SYDE2: variants seen among roughly 807,000 people sequenced by gnomAD.
The protein encoded by SYDE2 is rho GTPase-activating protein SYDE2.
In SYDE2, 76 loss-of-function variants were observed where a neutral mutation model predicts 91.5. The observed-to-expected ratio is 0.83, with a 90% CI of 0.69 to 1.01. SYDE2 has a LOEUF of 1.01. SYDE2 is among the 50% of genes least tolerant of loss of function. The pLI is 0.00. For missense variants in SYDE2, 1,364 were observed against 1,367.7 expected (o/e 1.00, Z 0.04); for synonymous variants, 513 against 506.4 (o/e 1.01, Z -0.18).
In SYDE2 at chr1:85,190,583, A is replaced by G; in HGVS notation, c.915T>C (p.Asn305=). The G allele has an allele frequency of 6.2e-7, 1 of 1,613,866 alleles. No individual in the cohort carries two copies. The highest frequency in any genetic ancestry group is 1.6e-4 in the Middle Eastern group (1 of 6,062). The change falls in exon 2 of 7, where the codon AAT becomes AAC. Residue 305 remains asparagine (N), a synonymous_variant. Coordinates refer to ENST00000341460, the MANE Select transcript of SYDE2 (RefSeq NM_032184.2). Reference sequence around the variant, plus strand: ...AATGACTTCTATCTTGGCATTTCTTATTTTCTTCTTCCAGATTAAGAGGCC... The same window carrying G: ...AATGACTTCTATCTTGGCATTTCTTGTTTTCTTCTTCCAGATTAAGAGGCC... ...TLRPLNLEEE[N]KKCQDRSHLS...
At position 85,182,249 on chromosome 1, in the gene SYDE2, C is replaced by T. The variant is rs1557751176; in HGVS notation, c.2393G>A (p.Trp798Ter). ...ATCTAGTCCATGAAGAGAATTCTCCCACTGTTCCATAAGAGTCACTTTCAC... is the reference window on the plus strand; with the variant it reads ...ATCTAGTCCATGAAGAGAATTCTCCTACTGTTCCATAAGAGTCACTTTCAC... Reference protein sequence around the residue: ...IYVKVTLMEQWENSLHGLDIN... With the variant: ...IYVKVTLMEQ The change falls in exon 3 of 7, where the codon TGG becomes TAG. Residue 798 changes from tryptophan to a stop codon, truncating the protein, a stop_gained. Transcript: ENST00000341460. LOFTEE classifies it high-confidence loss of function. 1 of 1,610,684 alleles carries T rather than the reference C, an allele frequency of 6.2e-7. No individual in the cohort carries two copies. Among genetic ancestry groups the T allele is most frequent in the East Asian group, 2.2e-5 (1 of 44,826 alleles).
downstream of SYDE2, among the ~76,000 whole-genome samples, chr1:85,154,890 G>T (rs910883673): frequency 6.6e-6 from 1 of 151,328 alleles, no homozygotes; most frequent in Non-Finnish European, 1.5e-5. Context: ...AAAAATAAAG[G>T]CCTTGTCAAA....
chr1:85,170,202 G>A (rs370443730), intron 4 of SYDE2, among the ~76,000 whole-genome samples: 2 of 147,884 alleles, frequency 1.4e-5, no homozygotes, highest in East Asian at 4.0e-4. Flanking sequence ...CTAGGCTCAA[G>A]CAATCCTCCC....
intron 1 of SYDE2, among the ~76,000 whole-genome samples, chr1:85,194,199 C>T (rs989486245): frequency 5.9e-5 from 9 of 151,428 alleles, no homozygotes; most frequent in African/African-American, 2.2e-4. Flanking sequence ...AATGGATCCA[C>T]ATGAATGTAA....
In SYDE2 at chr1:85,200,949, GC is replaced by G; in HGVS notation, c.47del (p.Gly16AlafsTer151). ...PDSGARRGGR[G>X]LADHSFPAGA... is the part of the protein sequence containing the mutation. ...CCGCGGGGAAGCTGTGATCCGCCAA[GC>G]CCCTGCCGCCCCGCCGCGCGCCCGA... On this transcript the variant is annotated frameshift_variant, in exon 1 of 7. Transcript: ENST00000341460. LOFTEE classifies it high-confidence loss of function. 1 of 1,293,448 alleles carries G rather than the reference GC, an allele frequency of 7.7e-7. No homozygotes were observed. Among genetic ancestry groups the G allele is most frequent in the East Asian group, 3.1e-5 (1 of 32,466 alleles). 80.1% of individuals were successfully genotyped at this position (1,293,448 alleles called of 1,614,324 possible).
Position 85,174,335 on chromosome 1 carries a change from T to C in SYDE2, c.2671+3811A>G, listed in dbSNP as rs1436207322. On this transcript the variant is annotated intron_variant, in intron 4 of 6. Transcript: ENST00000341460. ...TTATTAATTAACTTGACTTTATTGA[T>C]AGTTACAGCACAATCTGTCCAAAAC... 5.3e-5 allele frequency among the ~76,000 whole-genome samples: 8 copies of C among 152,198 alleles called. No homozygotes were observed. In the East Asian group the frequency reaches 1.5e-3, roughly 29 times the overall value.
chr1:85,188,533 T>C (rs12144280), intron 2 of SYDE2, among the ~76,000 whole-genome samples: 4,997 of 152,258 alleles, frequency 0.033, 163 homozygotes, highest in Non-Finnish European at 0.044. Flanking sequence ...TGTAAGTAGT[T>C]TATTTGCAAA....
At chr1:85,165,988 C>T (rs1229935464) in intron 5 of SYDE2, among the ~76,000 whole-genome samples, 1 of 151,290 alleles carries the variant, frequency 6.6e-6, no homozygotes, top group Non-Finnish European at 1.5e-5. Flanking sequence ...ATCTTTCCAC[C>T]CCAGCCTCCC....
At chr1:85,166,542 G>C (rs1288263714) in intron 5 of SYDE2, among the ~76,000 whole-genome samples, 1 of 152,106 alleles carries the variant, frequency 6.6e-6, no homozygotes, top group Non-Finnish European at 1.5e-5. Context: ...AGATTACAAT[G>C]TGCTGAGTAG....
chr1:85,191,098 A>C lies in SYDE2; in HGVS notation c.746-346T>G, dbSNP rs537778559. ...ATGCTTTATTCATAGTATACCTCTA[A>C]TCAATATTTGAATAAGTTTCAATTC... On this transcript the variant is annotated intron_variant, in intron 1 of 6. Coordinates refer to ENST00000341460, the MANE Select transcript of SYDE2 (RefSeq NM_032184.2). 3.3e-5 allele frequency among the ~76,000 whole-genome samples: 5 copies of C among 152,254 alleles called. No homozygotes were observed. The South Asian group carries it at 1.0e-3, about 32-fold the overall frequency.
chr1:85,176,196 A>T (rs111347604), intron 4 of SYDE2, among the ~76,000 whole-genome samples: 1 of 135,154 alleles, frequency 7.4e-6, no homozygotes, highest in Non-Finnish European at 1.5e-5. Context: ...TCTTTCATGG[A>T]TTCATAAAAT....
chr1:85,159,604 A>G (rs1270020911), intron 6 of SYDE2, among the ~76,000 whole-genome samples: 1 of 152,240 alleles, frequency 6.6e-6, no homozygotes, highest in Non-Finnish European at 1.5e-5. Flanking sequence ...TACAGCAAAA[A>G]GCAGGCAAGG....
chr1:85,159,876 A>G, intron 6 of SYDE2: 1 of 983,966 alleles, frequency 1.0e-6, no homozygotes, highest in African/African-American at 1.7e-5. Flanking sequence ...GCCTGGAAAT[A>G]GTACAGATAT....
chr1:85,154,062 T>C (rs1343398844), downstream of SYDE2: 2 of 152,130 alleles, frequency 1.3e-5, no homozygotes, highest in Admixed American at 1.3e-4. Context: ...TATGACCCTT[T>C]TGCATTCAGA....
chr1:85,163,445 CTATATATATATATATATATATATA>C (rs55977750), intron 6 of SYDE2, among the ~76,000 whole-genome samples: 9 of 87,606 alleles, frequency 1.0e-4, no homozygotes, highest in Non-Finnish European at 2.1e-4. Context: ...GTACTTTAAT[CTATATATATATATATATATATATA>C]TATATATATA....
chr1:85,191,756 T>G (rs1249266738), intron 1 of SYDE2, among the ~76,000 whole-genome samples: 1 of 91,834 alleles, frequency 1.1e-5, no homozygotes, highest in African/African-American at 4.5e-5. Flanking sequence ...AGATTCCGTC[T>G]CAAAAAAAAA....
chr1:85,191,967 C>T (rs781551949), intron 1 of SYDE2, among the ~76,000 whole-genome samples: 2 of 151,884 alleles, frequency 1.3e-5, no homozygotes, highest in African/African-American at 2.4e-5. Flanking sequence ...AAAAATTCAC[C>T]GTACATAATT....
chr1:85,169,103 C>T lies in SYDE2; in HGVS notation c.2794G>A (p.Asp932Asn), dbSNP rs1487075835. The change falls in exon 5 of 7, where the codon GAC becomes AAC. Residue 932 changes from aspartate to asparagine, a missense_variant. Coordinates refer to ENST00000341460, the MANE Select transcript of SYDE2 (RefSeq NM_032184.2). ...LKMSSNGCEN[D>N]PGDSKYTVDL... ...ACAGTGTACTTAGAGTCACCTGGGT[C>T]ATTCTCACAACCATTTGATGACATT... is the stretch of plus-strand genomic sequence containing the variant. The T allele has an allele frequency of 1.2e-5, 19 of 1,613,884 alleles. No homozygotes were observed. The highest frequency in any genetic ancestry group is 1.5e-5 in the Non-Finnish European group (18 of 1,179,818).
intron 4 of SYDE2, among the ~76,000 whole-genome samples, chr1:85,170,054 C>G (rs1173889481): frequency 1.3e-5 from 2 of 151,486 alleles, no homozygotes; most frequent in African/African-American, 4.9e-5. Flanking sequence ...TGATCCAGAA[C>G]ATGCTCTCAG....
Sources: allele counts gnomAD v4.1 joint callset (sites outside exome capture counted in the v4.1 genomes callset), GRCh38; gene constraint gnomAD v4.1.1; transcripts MANE v1.5; gene names NCBI Gene and HGNC (gene_info 2026-07-23, HGNC 2026-07-21).